Variants in XKR4 observed in about 807,000 individuals in gnomAD.
XKR4 encodes the protein XK-related protein 4.
Under a neutral mutation model 53.9 loss-of-function variants are expected in XKR4, and 12 were observed. That is an observed-to-expected ratio of 0.22 (90% CI 0.14 to 0.36). The LOEUF is 0.36. Among genes scored for constraint, XKR4 ranks in the 10% least tolerant of loss-of-function variants. The probability of loss-of-function intolerance (pLI) is 1.00; values close to 1 mark genes in which losing one functional copy is unlikely to be tolerated. For missense variants in XKR4, 799 were observed against 859.5 expected (o/e 0.93, Z 0.88); for synonymous variants, 354 against 362.4 (o/e 0.98, Z 0.26).
chr8:55,313,492 C>T (rs1475103516), intron 1 of XKR4, among the ~76,000 whole-genome samples: 2 of 152,136 alleles, frequency 1.3e-5, no homozygotes, highest in African/African-American at 4.8e-5. Context: ...ACAAGTTACC[C>T]AGCGGCAGCA....
chr8:55,452,419 G>A (rs2129396507), intron 2 of XKR4: 1 of 627,798 alleles, frequency 1.6e-6, no homozygotes. Context: ...TCAGCTGGGA[G>A]CAGTGCTGGC....
intron 1 of XKR4, among the ~76,000 whole-genome samples, chr8:55,256,728 AAT>A (rs1818443734): frequency 6.6e-6 from 1 of 152,204 alleles, no homozygotes; most frequent in Admixed American, 6.5e-5. Flanking sequence ...TAAGATTTAA[AAT>A]AGAGTCTCAG....
chr8:55,128,801 A>G (rs1163602914), intron 1 of XKR4, among the ~76,000 whole-genome samples: 1 of 152,204 alleles, frequency 6.6e-6, no homozygotes, highest in Non-Finnish European at 1.5e-5. Flanking sequence ...TCTCCAAGAC[A>G]ATGAATGACA....
chr8:55,357,933 G>T lies in XKR4; in HGVS notation c.1006+56G>T, dbSNP rs1585536845. On this transcript the variant is annotated intron_variant, in intron 2 of 2. Transcript: ENST00000327381. ...GGGGAAAGATTGACTGGCTACTTTT[G>T]TCACAATCCGAGGAACTGTCCTAAT... The T allele has an allele frequency of 8.4e-6, 13 of 1,542,226 alleles. No homozygotes were observed. In the South Asian group the frequency reaches 1.3e-4, roughly 15 times the overall value.
intron 2 of XKR4, among the ~76,000 whole-genome samples, chr8:55,411,243 C>T (rs149683614): frequency 1.3e-5 from 2 of 152,252 alleles, no homozygotes; most frequent in African/African-American, 4.8e-5. Context: ...GGCAAGAGAC[C>T]TCATCCCTGT....
intron 2 of XKR4, chr8:55,450,614 A>T (rs1033629850): frequency 1.4e-6 from 1 of 703,908 alleles, no homozygotes; most frequent in African/African-American, 1.8e-5. Flanking sequence ...GGGGAACTGC[A>T]GGTGGAGCTG....
chr8:55,278,689 A>C (rs1818797555), intron 1 of XKR4, among the ~76,000 whole-genome samples: 1 of 152,206 alleles, frequency 6.6e-6, no homozygotes, highest in African/African-American at 2.4e-5. Context: ...ATATTACAAA[A>C]TATTTTAATT....
chr8:55,328,732 C>T (rs1803332689), intron 1 of XKR4, among the ~76,000 whole-genome samples: 1 of 152,176 alleles, frequency 6.6e-6, no homozygotes, highest in South Asian at 2.1e-4. Context: ...GTGCCTCACT[C>T]AACCCAGATT....
chr8:55,356,827 A>C (rs2622566), intron 1 of XKR4, among the ~76,000 whole-genome samples: 32,515 of 151,484 alleles, frequency 0.21, 3,799 homozygotes, highest in African/African-American at 0.31. Flanking sequence ...ATCTCTACCA[A>C]CCCTGAGACA....
In XKR4 at chr8:55,110,664, G is replaced by A. The variant is rs142103881; in HGVS notation, c.806+7370G>A. ...GTTACACTCTGAGAAAAATGCAGCT[G>A]GAAGCCCAGCTTTGTATTCCTGGTT... On this transcript the variant is annotated intron_variant, in intron 1 of 2. Transcript: ENST00000327381. Among the ~76,000 whole-genome samples the A allele has an allele frequency of 5.9e-3, 893 of 152,250 alleles. 9 individuals carry two copies. Among genetic ancestry groups the A allele is most frequent in the Middle Eastern group, 0.027 (8 of 294 alleles).
rs114745058 is a variant in XKR4 at position 55,436,079 on chromosome 8, C to A, written c.1006+78202C>A. On this transcript the variant is annotated intron_variant, in intron 2 of 2. Coordinates refer to ENST00000327381, the MANE Select transcript of XKR4 (RefSeq NM_052898.2). Reference sequence around the variant, plus strand: ...TTTATTAAGCACACCATTTTTCCTGCGTATGGAATTCTGTTCTCTCTCAAT... The same window carrying A: ...TTTATTAAGCACACCATTTTTCCTGAGTATGGAATTCTGTTCTCTCTCAAT... Among the ~76,000 whole-genome samples the A allele has an allele frequency of 9.6e-3, 1,463 of 152,226 alleles. 24 individuals carry two copies. The highest frequency in any genetic ancestry group is 0.032 in the African/African-American group (1,346 of 41,520).
At chr8:55,462,001 G>C (rs1010145402) in intron 2 of XKR4, among the ~76,000 whole-genome samples, 25 of 152,216 alleles carry the variant, frequency 1.6e-4, no homozygotes, top group African/African-American at 5.8e-4. Context: ...CATCTACTTG[G>C]TGTACCTGAA....
intron 1 of XKR4, among the ~76,000 whole-genome samples, chr8:55,244,512 G>A (rs1818256084): frequency 6.6e-6 from 1 of 152,158 alleles, no homozygotes; most frequent in African/African-American, 2.4e-5. Context: ...ATTGTGAATA[G>A]TACTGTGATG....
At chr8:55,217,781 G>GATAT (rs1817826682) in intron 1 of XKR4, among the ~76,000 whole-genome samples, 2 of 118,062 alleles carry the variant, frequency 1.7e-5, no homozygotes, top group Non-Finnish European at 4.1e-5. Context: ...TAGATAGATA[G>GATAT]ATAGATACAC....
At chr8:55,456,952 T>G (rs369337137) in intron 2 of XKR4, among the ~76,000 whole-genome samples, 1 of 151,848 alleles carries the variant, frequency 6.6e-6, no homozygotes, top group African/African-American at 2.4e-5. Context: ...AGGATAAACA[T>G]ATCAGAATTC....
intron 2 of XKR4, among the ~76,000 whole-genome samples, chr8:55,387,205 T>A (rs528531609): frequency 6.6e-6 from 1 of 152,334 alleles, no homozygotes; most frequent in Non-Finnish European, 1.5e-5. Flanking sequence ...TTGTAAGGCA[T>A]TGCTTGTCTT....
At chr8:55,466,508 A>T (rs1013308702) in intron 2 of XKR4, among the ~76,000 whole-genome samples, 1 of 152,064 alleles carries the variant, frequency 6.6e-6, no homozygotes, top group African/African-American at 2.4e-5. Context: ...GGGGGAAGGG[A>T]TAGCATTAGG....
rs539902529 is a variant in XKR4, at chr8:55,420,528, C to G, written c.1006+62651C>G. On this transcript the variant is annotated intron_variant, in intron 2 of 2. Transcript: ENST00000327381. ...GAAATCATCATTCTCAGTAAACTAT[C>G]GCAAGAACAAAAAACCAAACACCGC... Among the ~76,000 whole-genome samples the G allele has an allele frequency of 1.2e-3, 177 of 148,240 alleles. 2 individuals are homozygous for G. The highest frequency in any genetic ancestry group is 4.5e-3 in the African/African-American group (174 of 38,420).
intron 2 of XKR4, among the ~76,000 whole-genome samples, chr8:55,466,493 G>T (rs1338972282): frequency 6.6e-6 from 1 of 152,040 alleles, no homozygotes; most frequent in Non-Finnish European, 1.5e-5. Flanking sequence ...TATGGAGTGG[G>T]GGGAGGGGGA....
Sources: allele counts gnomAD v4.1 joint callset (sites outside exome capture counted in the v4.1 genomes callset), GRCh38; gene constraint gnomAD v4.1.1; transcripts MANE v1.5; gene names NCBI Gene and HGNC (gene_info 2026-07-23, HGNC 2026-07-21).